The following AUNIP variants were observed in gnomAD, a reference collection of about 807,000 sequenced individuals.
AUNIP encodes aurora kinase A- and ninein-interacting protein.
AUNIP carries 16 observed loss-of-function variants against 12.2 expected under a neutral mutation model. The observed-to-expected ratio is 1.31, with a 90% CI of 0.88 to 1.99. The LOEUF (loss-of-function observed/expected upper bound fraction) is 1.99. Among genes scored for constraint, AUNIP ranks in the 30% most tolerant of loss-of-function variants. AUNIP has a pLI of 0.00. For missense variants in AUNIP, 411 were observed against 419.1 expected (o/e 0.98, Z 0.17); for synonymous variants, 142 against 154.8 (o/e 0.92, Z 0.61).
intron 1 of AUNIP, among the ~76,000 whole-genome samples, chr1:25,846,048 A>G (rs1033321040): frequency 2.0e-5 from 3 of 152,208 alleles, no homozygotes; most frequent in African/African-American, 7.2e-5. Context: ...GAAAGGAGAA[A>G]AGCAAATTTC....
intron 1 of AUNIP, among the ~76,000 whole-genome samples, chr1:25,844,383 G>T (rs1490019185): frequency 1.3e-5 from 2 of 152,138 alleles, no homozygotes; most frequent in East Asian, 3.8e-4. Context: ...ACAGGTGTGA[G>T]CCATTGTGCC....
chr1:25,852,373 T>C (rs1477759392), intron 1 of AUNIP, among the ~76,000 whole-genome samples: 1 of 152,182 alleles, frequency 6.6e-6, no homozygotes, highest in East Asian at 1.9e-4. Context: ...TATTATTTCC[T>C]TCCTTCTGGT....
At position 25,834,996 on chromosome 1, in the gene AUNIP, G is replaced by C. The variant is rs2048287552; in HGVS notation, c.1071C>G (p.Phe357Leu). 2 of 1,603,986 alleles carry C rather than the reference G, an allele frequency of 1.2e-6. No homozygotes were observed. Among genetic ancestry groups the C allele is most frequent in the Non-Finnish European group, 1.7e-6 (2 of 1,175,178 alleles). Reference protein sequence around the residue: ...SEGNQVIRHQF With the variant: ...SEGNQVIRHQL The stretch of plus-strand genomic sequence containing the variant: ...TTAGAAACAAAGCTTCAAACATTTA[G>C]AATTGGTGTCTGATAACTTGATTAC... Residue 357 changes from phenylalanine (F) to leucine (L), a missense_variant, in exon 3 of 3, where the codon TTC (phenylalanine) becomes TTG (leucine). Transcript: ENST00000374298.
chr1:25,856,957 T>A (rs1488654760), intron 1 of AUNIP, among the ~76,000 whole-genome samples: 4 of 148,550 alleles, frequency 2.7e-5, no homozygotes, highest in Non-Finnish European at 4.5e-5. Flanking sequence ...AAAAAAAAAA[T>A]ACAAAAAATG....
intron 1 of AUNIP, among the ~76,000 whole-genome samples, chr1:25,844,670 T>C (rs557519998): frequency 3.3e-5 from 5 of 152,298 alleles, no homozygotes; most frequent in African/African-American, 1.2e-4. Flanking sequence ...CCTTTTTTCA[T>C]AATGGTCACT....
At chr1:25,841,142 C>T (rs538071239) in intron 1 of AUNIP, among the ~76,000 whole-genome samples, 2 of 152,218 alleles carry the variant, frequency 1.3e-5, no homozygotes, top group East Asian at 3.9e-4. Flanking sequence ...TGATACTGTC[C>T]CAGTTATAGC....
At chr1:25,857,309 G>A (rs1193228145) in intron 1 of AUNIP, among the ~76,000 whole-genome samples, 23 of 145,652 alleles carry the variant, frequency 1.6e-4, no homozygotes, top group African/African-American at 4.6e-4. Context: ...GCAGTGGCAC[G>A]ATCTCGGCTC....
intron 1 of AUNIP, among the ~76,000 whole-genome samples, chr1:25,840,225 G>A (rs2048339502): frequency 6.6e-6 from 1 of 151,502 alleles, no homozygotes; most frequent in Non-Finnish European, 1.5e-5. Flanking sequence ...GAAAATAGAA[G>A]ATATAAAAAA....
Position 25,859,362 on chromosome 1 carries a change from G to A in AUNIP, c.-5C>T, listed in dbSNP as rs1210517744. On this transcript the variant is annotated 5_prime_UTR_variant, in exon 1 of 3. Transcript: ENST00000374298. Reference sequence around the variant, plus strand: ...CTCGGGGCCTGTCCGCCTCATGGCCGCTGAGGAGACGAAGCCGGCAGGACG... The same window carrying A: ...CTCGGGGCCTGTCCGCCTCATGGCCACTGAGGAGACGAAGCCGGCAGGACG... 9 of 1,521,616 alleles carry A rather than the reference G, an allele frequency of 5.9e-6. No individual in the cohort carries two copies. Among genetic ancestry groups the A allele is most frequent in the Admixed American group, 2.1e-5 (1 of 47,232 alleles). 94.3% of individuals were successfully genotyped at this position (1,521,616 alleles called of 1,614,324 possible). A position where few individuals can be genotyped will look rare whatever the true frequency, so the allele number is the denominator to read the frequency against.
Position 25,851,477 on chromosome 1 carries a change from C to T in AUNIP, c.78+7803G>A, listed in dbSNP as rs112486306. ...TCTTTAAATGTTTGGTAGAATTCAC[C>T]AGAGAAACTATCTGGACCTGGACTT... On this transcript the variant is annotated intron_variant, in intron 1 of 2. Transcript: ENST00000374298. Among the ~76,000 whole-genome samples the T allele has an allele frequency of 6.7e-4, 102 of 152,196 alleles. 1 individual carries two copies. Among genetic ancestry groups the T allele is most frequent in the African/African-American group, 2.3e-3 (97 of 41,542 alleles).
chr1:25,849,355 C>A (rs2745537), intron 1 of AUNIP, among the ~76,000 whole-genome samples: 1 of 152,030 alleles, frequency 6.6e-6, no homozygotes, highest in Admixed American at 6.6e-5. Context: ...CCGAATCTAA[C>A]TTTAGAACAG....
At chr1:25,833,298 T>C (rs2048270285), downstream of AUNIP, among the ~76,000 whole-genome samples, 1 of 151,882 alleles carries the variant, frequency 6.6e-6, no homozygotes. Context: ...AATTTTTTTG[T>C]AGCGATGGGG....
intron 1 of AUNIP, among the ~76,000 whole-genome samples, chr1:25,841,131 C>G (rs213634): frequency 0.21 from 32,541 of 151,936 alleles, 3,712 homozygotes; most frequent in African/African-American, 0.26. Flanking sequence ...GCGGTCAGAA[C>G]TGATACTGTC....
chr1:25,841,599 C>T (rs1459894149), intron 1 of AUNIP, among the ~76,000 whole-genome samples: 1 of 151,946 alleles, frequency 6.6e-6, no homozygotes, highest in Non-Finnish European at 1.5e-5. Flanking sequence ...TCTCGGCTCA[C>T]TGCAACCTCT....
At chr1:25,859,140 G>T in intron 1 of AUNIP, 140 bp downstream of exon 1, 1 of 871,418 alleles carries the variant, frequency 1.1e-6, no homozygotes, top group Non-Finnish European at 1.7e-6. Context: ...AATCCCTCTC[G>T]CCTGTGAATC....
downstream of AUNIP, among the ~76,000 whole-genome samples, chr1:25,833,463 G>A (rs1348165722): frequency 6.6e-6 from 1 of 151,986 alleles, no homozygotes; most frequent in Non-Finnish European, 1.5e-5. Flanking sequence ...CTGGAGAGAT[G>A]ACATACACGA....
rs906356673 is a variant in AUNIP at position 25,834,467 on chromosome 1, A to G, written c.*526T>C. 4.0e-6 allele frequency: 3 copies of G among 757,116 alleles called. No individual in the cohort carries two copies. In the African/African-American group the frequency reaches 5.7e-5, roughly 14 times the overall value. 46.9% of individuals were successfully genotyped at this position (757,116 alleles called of 1,614,324 possible). A position where few individuals can be genotyped will look rare whatever the true frequency, so the allele number is the denominator to read the frequency against. On this transcript the variant is annotated 3_prime_UTR_variant, in exon 3 of 3. Coordinates refer to ENST00000374298, the MANE Select transcript of AUNIP (RefSeq NM_024037.3). ...CGTCTCTACTAAAAATCCAAAAAAA[A>G]TTAGCTGGGCGTGGTGGCGCATGCC...
chr1:25,836,474 T>A (rs2048303588), intron 2 of AUNIP, among the ~76,000 whole-genome samples: 3 of 152,222 alleles, frequency 2.0e-5, no homozygotes, highest in Admixed American at 1.3e-4. Context: ...AGCCTGTTAA[T>A]TTTATCAGGC....
intron 1 of AUNIP, among the ~76,000 whole-genome samples, chr1:25,843,594 G>GA (rs769525747): frequency 0.031 from 1,000 of 31,804 alleles, 128 homozygotes; most frequent in Non-Finnish European, 0.046. Flanking sequence ...CTGTCTGTTT[G>GA]AAAAAAAAAA....
Sources: allele counts gnomAD v4.1 joint callset (sites outside exome capture counted in the v4.1 genomes callset), GRCh38; gene constraint gnomAD v4.1.1; transcripts MANE v1.5; gene names NCBI Gene and HGNC (gene_info 2026-07-23, HGNC 2026-07-21).